The following KIAA1217 variants were observed in gnomAD, a reference collection of about 807,000 sequenced individuals.
KIAA1217 encodes sickle tail protein homolog.
A neutral mutation model predicts 163.9 loss-of-function variants in KIAA1217; 88 were observed. The observed-to-expected ratio is 0.54, with a 90% CI of 0.45 to 0.64. The LOEUF is 0.64. KIAA1217 is among the 30% of genes least tolerant of loss of function. The pLI, the probability that KIAA1217 is intolerant of heterozygous loss-of-function variation, is 0.00. For missense variants in KIAA1217, 2,372 were observed against 2,475.0 expected, an observed-to-expected ratio of 0.96 and a Z score of 0.88; for synonymous variants, 903 against 923.1, an observed-to-expected ratio of 0.98 and a Z score of 0.39.
At chr10:24,452,538 T>C (rs2061457257) in intron 5 of KIAA1217, among the ~76,000 whole-genome samples, 1 of 150,532 alleles carries the variant, frequency 6.6e-6, no homozygotes. Context: ...AAAAATTAGC[T>C]GGGCGTGGTG....
At position 24,524,847 on chromosome 10, in the gene KIAA1217, T is replaced by A. The variant is rs888311787; in HGVS notation, c.2898+83T>A. ...TCCCTTAAAGCATTTATAGGTCAGA[T>A]GATGACATGATTGTGTATGGATCAG... On this transcript the variant is annotated intron_variant, in intron 13 of 20. Transcript: ENST00000376454. The A allele has an allele frequency of 4.2e-6, 5 of 1,203,178 alleles. No individual in the cohort carries two copies. The South Asian group carries it at 6.2e-5, about 15-fold the overall frequency. 74.5% of individuals were successfully genotyped at this position (1,203,178 alleles called of 1,614,324 possible).
chr10:23,898,337 TA>T (rs1440568339), intron 1 of KIAA1217, among the ~76,000 whole-genome samples: 2 of 151,512 alleles, frequency 1.3e-5, no homozygotes, highest in African/African-American at 4.8e-5. Context: ...ATATATATAA[TA>T]TATATTTATA....
chr10:24,494,186 A>G (rs1303211123), intron 6 of KIAA1217, among the ~76,000 whole-genome samples: 1 of 152,182 alleles, frequency 6.6e-6, no homozygotes, highest in Non-Finnish European at 1.5e-5. Flanking sequence ...TGCAAGGTGA[A>G]AGAAAGAAAG....
At chr10:24,034,554 C>G (rs146321472) in intron 2 of KIAA1217, among the ~76,000 whole-genome samples, 4,589 of 136,906 alleles carry the variant, frequency 0.034, 142 homozygotes, top group African/African-American at 0.075. Context: ...TAAGATGAGA[C>G]CCTGTCTCAA....
At position 24,536,702 on chromosome 10, in the gene KIAA1217, T is replaced by C. The variant is rs1235684087; in HGVS notation, c.3415-72T>C. ...GTTGGGGTCCACAAGCGTCTGGTTG[T>C]TCCTGCCTGTTTCCCTCCATTCTCC... On this transcript the variant is annotated intron_variant, in intron 16 of 20. Coordinates refer to ENST00000376454, the MANE Select transcript of KIAA1217 (RefSeq NM_019590.5). The C allele has an allele frequency of 1.8e-5, 27 of 1,536,554 alleles. No individual in the cohort carries two copies. The Admixed American group carries it at 4.7e-4, about 27-fold the overall frequency.
intron 1 of KIAA1217, among the ~76,000 whole-genome samples, chr10:23,758,059 A>G (rs1336333512): frequency 3.3e-5 from 5 of 152,082 alleles, no homozygotes; most frequent in Admixed American, 1.3e-4. Context: ...TTAAATTTTG[A>G]TGGAATCCAA....
intron 1 of KIAA1217, among the ~76,000 whole-genome samples, chr10:23,941,311 C>T (rs11013804): frequency 0.2 from 30,482 of 152,076 alleles, 3,320 homozygotes; most frequent in Middle Eastern, 0.27. Flanking sequence ...CGAATGGTGA[C>T]GTAGATTGGA....
At chr10:24,438,334 C>T in intron 4 of KIAA1217, 52 bp from the exon 5 acceptor site, 1 of 1,337,332 alleles carries the variant, frequency 7.5e-7, no homozygotes, top group East Asian at 2.3e-5. Context: ...AAGGAAATGG[C>T]CAAAGTCAGG....
At chr10:24,236,255 T>C (rs2072241596) in intron 2 of KIAA1217, among the ~76,000 whole-genome samples, 1 of 152,234 alleles carries the variant, frequency 6.6e-6, no homozygotes, top group South Asian at 2.1e-4. Flanking sequence ...CCATTCTTTT[T>C]CTTTTTCTTT....
At chr10:24,403,861 C>T (rs562623587) in intron 3 of KIAA1217, among the ~76,000 whole-genome samples, 6 of 152,276 alleles carry the variant, frequency 3.9e-5, no homozygotes, top group Non-Finnish European at 7.4e-5. Context: ...ACACCCAATG[C>T]GGGCAGAGAT....
At chr10:23,753,520 G>C (rs1463157135) in intron 1 of KIAA1217, among the ~76,000 whole-genome samples, 2 of 152,152 alleles carry the variant, frequency 1.3e-5, no homozygotes, top group Non-Finnish European at 2.9e-5. Context: ...TGCAAGCTAG[G>C]AATTGAATTT....
chr10:24,416,280 T>C (rs565291731), intron 3 of KIAA1217, among the ~76,000 whole-genome samples: 1 of 152,362 alleles, frequency 6.6e-6, no homozygotes, highest in Non-Finnish European at 1.5e-5. Context: ...TTTTTGCTAC[T>C]AGCATAAAAC....
intron 1 of KIAA1217, among the ~76,000 whole-genome samples, chr10:23,800,370 G>A (rs1311457085): frequency 6.6e-6 from 1 of 152,044 alleles, no homozygotes; most frequent in African/African-American, 2.4e-5. Flanking sequence ...AACTAGAGGT[G>A]GGTTTAACAC....
intron 6 of KIAA1217, among the ~76,000 whole-genome samples, chr10:24,474,276 A>G (rs1384366547): frequency 2.0e-5 from 3 of 152,256 alleles, no homozygotes; most frequent in African/African-American, 4.8e-5. Context: ...GCCATGTTCA[A>G]GAAGACAGGT....
intron 1 of KIAA1217, among the ~76,000 whole-genome samples, chr10:23,830,339 A>G (rs931219167): frequency 2.0e-5 from 3 of 152,334 alleles, no homozygotes; most frequent in Admixed American, 2.0e-4. Flanking sequence ...GTTGTCCTGC[A>G]TAATAATTAC....
At position 23,790,451 on chromosome 10, in the gene KIAA1217, A is replaced by G. The variant is rs1288749072; in HGVS notation, c.-321+95217A>G. On this transcript the variant is annotated intron_variant, in intron 1 of 18. Transcript: ENST00000376462. ...TATACATATACATATATACATATAT[A>G]CATGTGCATATATACATATATACAT... 1.9e-5 allele frequency among the ~76,000 whole-genome samples: 2 copies of G among 107,400 alleles called. 1 individual carries two copies. Among genetic ancestry groups the G allele is most frequent in the Admixed American group, 1.9e-4 (2 of 10,488 alleles). 70.5% of individuals were successfully genotyped at this position (107,400 alleles called of 152,430 possible). A position where few individuals can be genotyped will look rare whatever the true frequency, so the allele number is the denominator to read the frequency against.
intron 1 of KIAA1217, among the ~76,000 whole-genome samples, chr10:23,875,496 C>T (rs1371013709): frequency 6.6e-6 from 1 of 151,908 alleles, no homozygotes; most frequent in Non-Finnish European, 1.5e-5. Context: ...AAATGCACCT[C>T]CAGTTTTATA....
intron 1 of KIAA1217, among the ~76,000 whole-genome samples, chr10:23,726,117 C>G (rs1308544409): frequency 2.0e-5 from 3 of 151,962 alleles, no homozygotes; most frequent in Admixed American, 1.3e-4. Flanking sequence ...TTAATTTTTT[C>G]TACCATTTGA....
At chr10:24,288,817 T>A (rs1590635717) in intron 2 of KIAA1217, among the ~76,000 whole-genome samples, 2 of 152,166 alleles carry the variant, frequency 1.3e-5, no homozygotes, top group South Asian at 4.1e-4. Context: ...GCTGAATCAA[T>A]GAAGTACCTG....
Sources: allele counts gnomAD v4.1 joint callset (sites outside exome capture counted in the v4.1 genomes callset), GRCh38; gene constraint gnomAD v4.1.1; transcripts MANE v1.5; gene names NCBI Gene and HGNC (gene_info 2026-07-23, HGNC 2026-07-21).